Variants in CNTN6 observed in about 807,000 individuals in gnomAD.
CNTN6 encodes the protein contactin-6.
In CNTN6, 137 loss-of-function variants were observed where a neutral mutation model predicts 122.8. The observed-to-expected ratio is 1.12, with a 90% CI of 0.97 to 1.29. The LOEUF (loss-of-function observed/expected upper bound fraction) is 1.29, where lower values mean the gene tolerates loss of function less well. CNTN6 is among the 50% of genes most tolerant of loss of function. The probability of loss-of-function intolerance (pLI) is 0.00; values close to 1 mark genes in which losing one functional copy is unlikely to be tolerated. For missense variants in CNTN6, 1,634 were observed against 1,223.4 expected (o/e 1.34, Z -5.01); for synonymous variants, 570 against 426.0 (o/e 1.34, Z -4.16).
intron 2 of CNTN6, among the ~76,000 whole-genome samples, chr3:1,195,491 G>C (rs1041046288): frequency 2.0e-5 from 3 of 152,160 alleles, no homozygotes; most frequent in African/African-American, 7.2e-5. Flanking sequence ...ATGAAGACTT[G>C]TAAATTCCCC....
chr3:1,387,166 A>T (rs1560001163), intron 20 of CNTN6, among the ~76,000 whole-genome samples: 1 of 152,214 alleles, frequency 6.6e-6, no homozygotes, highest in Non-Finnish European at 1.5e-5. Flanking sequence ...CCCATGAAGC[A>T]CAAACAAGGT....
intron 20 of CNTN6, among the ~76,000 whole-genome samples, chr3:1,394,697 A>G (rs894634373): frequency 3.3e-5 from 5 of 149,550 alleles, no homozygotes; most frequent in African/African-American, 1.0e-4. Context: ...AAATTATTCT[A>G]TGTTTTTAAG....
At chr3:1,205,025 G>A (rs2093939598) in intron 2 of CNTN6, among the ~76,000 whole-genome samples, 1 of 152,134 alleles carries the variant, frequency 6.6e-6, no homozygotes, top group Non-Finnish European at 1.5e-5. Flanking sequence ...GGCCTTTGAA[G>A]TAGAAGAGGG....
At chr3:1,396,373 C>G (rs933282524) in intron 20 of CNTN6, among the ~76,000 whole-genome samples, 1 of 152,118 alleles carries the variant, frequency 6.6e-6, no homozygotes, top group Non-Finnish European at 1.5e-5. Context: ...CTAAGAATTC[C>G]AATAACTTTG....
At position 1,374,079 on chromosome 3, in the gene CNTN6, G is replaced by A. The variant is rs1709513574; in HGVS notation, c.2095+6G>A. The A allele has an allele frequency of 6.2e-7, 1 of 1,611,708 alleles. No individual in the cohort carries two copies. The highest frequency in any genetic ancestry group is 1.1e-5 in the South Asian group (1 of 90,966). ...GTTAAGAACTAAAGCATCAGGTAAA[G>A]AATCAATGTGTTCTAAAAGTGTGGA... On this transcript the variant is annotated splice_donor_region_variant and intron_variant, in intron 16 of 22. Coordinates refer to ENST00000446702, the MANE Select transcript of CNTN6 (RefSeq NM_001289080.2).
intron 12 of CNTN6, among the ~76,000 whole-genome samples, chr3:1,362,869 A>G (rs1483132503): frequency 6.6e-6 from 1 of 151,752 alleles, no homozygotes; most frequent in African/African-American, 2.4e-5. Context: ...ACAGTAGCAA[A>G]ACTAAAGGGA....
intron 2 of CNTN6, among the ~76,000 whole-genome samples, chr3:1,192,380 ATTAATATCT>A (rs2093714586): frequency 6.6e-6 from 1 of 152,122 alleles, no homozygotes. Flanking sequence ...AAAACTTAAA[ATTAATATCT>A]TCTGGCCAGG....
intron 19 of CNTN6, among the ~76,000 whole-genome samples, chr3:1,384,795 A>AGC: frequency 7.2e-6 from 1 of 138,158 alleles, no homozygotes. Context: ...ATATATATAT[A>AGC]TACACACACA....
intron 2 of CNTN6, among the ~76,000 whole-genome samples, chr3:1,157,960 C>G (rs985933269): frequency 4.6e-5 from 7 of 152,188 alleles, no homozygotes; most frequent in Non-Finnish European, 1.0e-4. Flanking sequence ...CAAACATGGG[C>G]ATGCAGATAT....
chr3:1,272,204 T>A (rs1490372996), intron 4 of CNTN6, among the ~76,000 whole-genome samples: 1 of 152,232 alleles, frequency 6.6e-6, no homozygotes, highest in Non-Finnish European at 1.5e-5. Context: ...TTTTTCTTTA[T>A]GAATTATCCA....
At chr3:1,330,005 G>T in intron 11 of CNTN6, 70 bp downstream of exon 11, 2 of 1,224,772 alleles carry the variant, frequency 1.6e-6, no homozygotes, top group East Asian at 2.8e-5. Context: ...TTAGGTTTTA[G>T]TAGGCCTTTC....
At chr3:1,366,964 C>T (rs1466298404) in intron 12 of CNTN6, among the ~76,000 whole-genome samples, 2 of 152,112 alleles carry the variant, frequency 1.3e-5, no homozygotes, top group Non-Finnish European at 2.9e-5. Context: ...GTCATCATAT[C>T]ACTCCTCTGC....
intron 11 of CNTN6, among the ~76,000 whole-genome samples, chr3:1,333,910 C>T (rs1702679311): frequency 6.6e-6 from 1 of 152,102 alleles, no homozygotes; most frequent in Admixed American, 6.6e-5. Context: ...ACGCTCAGCT[C>T]TTCAGTTTTT....
intron 1 of CNTN6, among the ~76,000 whole-genome samples, chr3:1,143,483 A>C (rs1428380137): frequency 6.6e-6 from 1 of 152,276 alleles, no homozygotes; most frequent in East Asian, 1.9e-4. Context: ...ATTTTGCCTC[A>C]AGTGACCTGT....
At chr3:1,340,939 G>C (rs1260475471) in intron 11 of CNTN6, among the ~76,000 whole-genome samples, 1 of 147,632 alleles carries the variant, frequency 6.8e-6, no homozygotes. Context: ...CAAGTTGGTG[G>C]TTTAAGGTCA....
chr3:1,099,357 G>T (rs9879861), intron 1 of CNTN6, among the ~76,000 whole-genome samples: 1 of 151,414 alleles, frequency 6.6e-6, no homozygotes, highest in Non-Finnish European at 1.5e-5. Flanking sequence ...AGGCTGAGGC[G>T]GGAGAATGGC....
chr3:1,363,686 A>G (rs1009969832), intron 12 of CNTN6, among the ~76,000 whole-genome samples: 1 of 151,916 alleles, frequency 6.6e-6, no homozygotes, highest in Admixed American at 6.6e-5. Context: ...GGTGATCTCC[A>G]TATCTTAACT....
chr3:1,262,992 G>A (rs1450967381), intron 4 of CNTN6, among the ~76,000 whole-genome samples: 1 of 152,036 alleles, frequency 6.6e-6, no homozygotes, highest in East Asian at 1.9e-4. Context: ...CCAAGTCTTT[G>A]TAAGAGTTAT....
intron 2 of CNTN6, among the ~76,000 whole-genome samples, chr3:1,179,299 G>T (rs2093511724): frequency 6.6e-6 from 1 of 152,078 alleles, no homozygotes; most frequent in Admixed American, 6.6e-5. Context: ...ATTTCAGCAT[G>T]AGATTTGGAG....
Sources: allele counts gnomAD v4.1 joint callset (sites outside exome capture counted in the v4.1 genomes callset), GRCh38; gene constraint gnomAD v4.1.1; transcripts MANE v1.5; gene names NCBI Gene and HGNC (gene_info 2026-07-23, HGNC 2026-07-21).